DNAJB6: variants seen among roughly 807,000 people sequenced by gnomAD.
DNAJB6 encodes DnaJ heat shock protein family (Hsp40) member B6, also known as dnaJ homolog subfamily B member 6.
DNAJB6 carries 16 observed loss-of-function variants against 42.7 expected under a neutral mutation model. That is an observed-to-expected ratio of 0.37 (90% CI 0.25 to 0.57). The LOEUF (loss-of-function observed/expected upper bound fraction) is 0.57. DNAJB6 is among the 20% of genes least tolerant of loss of function. The pLI is 0.74. For synonymous variants in DNAJB6, 170 were observed against 163.5 expected (o/e 1.04, Z -0.30); for missense variants, 347 against 416.8 (o/e 0.83, Z 1.46).
chr7:157,358,301 A>G (rs138168593), intron 1 of DNAJB6, among the ~76,000 whole-genome samples: 1 of 152,300 alleles, frequency 6.6e-6, no homozygotes, highest in East Asian at 1.9e-4. Context: ...AGTTTAGGCT[A>G]TTATTAGGCT....
rs762611514 is a variant in DNAJB6, at chr7:157,409,919, G to A, written c.816G>A (p.Ala272=). The A allele has an allele frequency of 3.3e-6, 5 of 1,535,748 alleles. No homozygotes were observed. Among genetic ancestry groups the A allele is most frequent in the Admixed American group, 3.9e-5 (2 of 50,982 alleles). The change falls in exon 9 of 10, where the codon GCG becomes GCA. Residue 272 remains alanine, a synonymous_variant. Transcript: ENST00000262177. ...PPRPASLLRH[A]PHCLSEEEGE... The stretch of plus-strand genomic sequence containing the variant: ...GGCCTGCCTCGCTGCTGAGACACGC[G>A]CCTCACTGTCTCTCTGAGGAGGAGG...
intron 1 of DNAJB6, among the ~76,000 whole-genome samples, chr7:157,351,689 G>C (rs533122968): frequency 6.6e-6 from 1 of 151,702 alleles, no homozygotes; most frequent in Non-Finnish European, 1.5e-5. Flanking sequence ...TTGTTTGGCT[G>C]GATATGGTGT....
chr7:157,347,592 A>C (rs1390721329), intron 1 of DNAJB6, among the ~76,000 whole-genome samples: 1 of 152,208 alleles, frequency 6.6e-6, no homozygotes, highest in South Asian at 2.1e-4. Context: ...ACAGTAACTC[A>C]CAGAATGACT....
chr7:157,384,761 C>T (rs1800968660), intron 6 of DNAJB6, 106 bp from the exon 7 acceptor site: 2 of 1,148,336 alleles, frequency 1.7e-6, no homozygotes, highest in Non-Finnish European at 2.5e-6. Context: ...CTCCTCGGTT[C>T]TATGCCTTAA....
In DNAJB6 at chr7:157,409,642, C is replaced by T. The variant is rs1476544029; in HGVS notation, c.692-153C>T. Among the ~76,000 whole-genome samples the T allele has an allele frequency of 2.0e-5, 3 of 152,254 alleles. No homozygotes were observed. The East Asian group carries it at 5.8e-4, about 29-fold the overall frequency. On this transcript the variant is annotated intron_variant, in intron 8 of 9. Coordinates refer to ENST00000262177, the MANE Select transcript of DNAJB6 (RefSeq NM_058246.4). ...GGATTAAGTTCTGGCCCCAGTGGCG[C>T]CACTGAAGAAAGGAGATAACCTCTT...
chr7:157,372,914 C>T (rs1263252038), intron 5 of DNAJB6, among the ~76,000 whole-genome samples: 1 of 152,140 alleles, frequency 6.6e-6, no homozygotes, highest in African/African-American at 2.4e-5. Flanking sequence ...GACATCATCT[C>T]CTTTGTGTCT....
At chr7:157,338,719 G>A (rs1282621465) in intron 1 of DNAJB6, among the ~76,000 whole-genome samples, 1 of 152,236 alleles carries the variant, frequency 6.6e-6, no homozygotes. Context: ...CCGTGATAAA[G>A]GGATGAATAG....
intron 9 of DNAJB6, chr7:157,414,438 T>G (rs1412986956): frequency 1.3e-5 from 2 of 152,288 alleles, no homozygotes; most frequent in African/African-American, 4.8e-5. Flanking sequence ...CTTCCTTTCC[T>G]CTGCGTTTTC....
intron 9 of DNAJB6, chr7:157,414,614 G>GTGCTGCA (rs1796066768): frequency 1.3e-5 from 2 of 152,212 alleles, no homozygotes; most frequent in Non-Finnish European, 2.9e-5. Flanking sequence ...CGCGCATCTC[G>GTGCTGCA]TGCTGCTCCT....
At chr7:157,399,657 A>ATC (rs750339088) in intron 8 of DNAJB6, among the ~76,000 whole-genome samples, 6 of 151,806 alleles carry the variant, frequency 4.0e-5, no homozygotes, top group African/African-American at 1.5e-4. Context: ...ATATCTATAT[A>ATC]TCTCTCTCTC....
intron 1 of DNAJB6, among the ~76,000 whole-genome samples, chr7:157,353,491 T>G (rs1180851284): frequency 6.6e-6 from 1 of 152,114 alleles, no homozygotes; most frequent in Non-Finnish European, 1.5e-5. Flanking sequence ...AATGTCCTTT[T>G]CCTGTTCTAG....
rs962547406 is a variant in DNAJB6, at chr7:157,368,116, A to G, written c.346+633A>G. Reference sequence around the variant, plus strand: ...GTGACAGAGCAAGGCCCTGTCTCAAAAAAATAAAACAGCACAGTAGCTGTA... The same window carrying G: ...GTGACAGAGCAAGGCCCTGTCTCAAGAAAATAAAACAGCACAGTAGCTGTA... On this transcript the variant is annotated intron_variant, in intron 5 of 9. Transcript: ENST00000262177. Among the ~76,000 whole-genome samples the G allele has an allele frequency of 9.8e-5, 15 of 152,366 alleles. No individual in the cohort carries two copies. The East Asian group carries it at 2.9e-3, about 29-fold the overall frequency.
intron 1 of DNAJB6, among the ~76,000 whole-genome samples, chr7:157,353,722 C>G (rs1244421481): frequency 2.0e-5 from 3 of 151,924 alleles, no homozygotes; most frequent in Non-Finnish European, 2.9e-5. Flanking sequence ...TGCCGCGGTG[C>G]AGTCCTGACT....
intron 8 of DNAJB6, among the ~76,000 whole-genome samples, chr7:157,386,548 A>T (rs571184298): frequency 2.0e-5 from 3 of 152,170 alleles, no homozygotes; most frequent in African/African-American, 7.2e-5. Flanking sequence ...AAACCATTGT[A>T]TAATTTTTCA....
At chr7:157,403,025 G>A (rs969037859) in intron 8 of DNAJB6, among the ~76,000 whole-genome samples, 7 of 151,978 alleles carry the variant, frequency 4.6e-5, no homozygotes, top group African/African-American at 7.3e-5. Context: ...CGAGGTGGTC[G>A]GGGCGCGGCT....
chr7:157,369,975 A>C, intron 5 of DNAJB6, among the ~76,000 whole-genome samples: 1 of 148,012 alleles, frequency 6.8e-6, no homozygotes, highest in Admixed American at 6.7e-5. Context: ...CCCTTTCTTA[A>C]CATTATTATT....
intron 9 of DNAJB6, chr7:157,410,267 C>G (rs1795927953): frequency 8.2e-6 from 6 of 730,156 alleles, no homozygotes; most frequent in East Asian, 6.6e-5. Context: ...GATGACAGAG[C>G]TGCCACGGCA....
chr7:157,339,629 G>T (rs926700379), intron 1 of DNAJB6, among the ~76,000 whole-genome samples: 1 of 115,646 alleles, frequency 8.6e-6, no homozygotes, highest in Non-Finnish European at 1.9e-5. Context: ...GTGTGTGTGT[G>T]TGTGTGTGTG....
rs7786449 is a variant in DNAJB6, at chr7:157,415,898, T to C, written c.899-118T>C. Reference sequence around the variant, plus strand: ...GAGGTTTAGCTGTGGCCAAGATAGATGACTTCATTTTGTTGCTTTTTGTTC... The same window carrying C: ...GAGGTTTAGCTGTGGCCAAGATAGACGACTTCATTTTGTTGCTTTTTGTTC... On this transcript the variant is annotated intron_variant, in intron 9 of 9. Coordinates refer to ENST00000262177, the MANE Select transcript of DNAJB6 (RefSeq NM_058246.4). 9.3e-3 allele frequency: 14,586 copies of C among 1,572,816 alleles called. 1,115 individuals are homozygous for C. In the African/African-American group the frequency reaches 0.17, roughly 18 times the overall value.
Sources: allele counts gnomAD v4.1 joint callset (sites outside exome capture counted in the v4.1 genomes callset), GRCh38; gene constraint gnomAD v4.1.1; transcripts MANE v1.5; gene names NCBI Gene and HGNC (gene_info 2026-07-23, HGNC 2026-07-21).